Variants in SAV1 observed in about 807,000 individuals in gnomAD.
SAV1 encodes the protein protein salvador homolog 1.
A neutral mutation model predicts 47.3 loss-of-function variants in SAV1; 23 were observed. The ratio of observed to expected loss-of-function variants is 0.49; its 90% CI spans 0.35 to 0.69. The LOEUF (loss-of-function observed/expected upper bound fraction) is 0.69. Ranked by LOEUF, SAV1 falls within the 30% of genes least tolerant of loss-of-function variation. The pLI, the probability that SAV1 is intolerant of heterozygous loss-of-function variation, is 0.01. For missense variants in SAV1, 448 were observed against 457.4 expected, an observed-to-expected ratio of 0.98 and a Z score of 0.19; for synonymous variants, 155 against 159.2, an observed-to-expected ratio of 0.97 and a Z score of 0.20.
chr14:50,645,864 T>TACATTGTTA (rs2039717350), intron 2 of SAV1, among the ~76,000 whole-genome samples: 1 of 152,168 alleles, frequency 6.6e-6, no homozygotes, highest in Non-Finnish European at 1.5e-5. Context: ...AATTAATATT[T>TACATTGTTA]ATATATTAAC....
At chr14:50,656,089 G>C (rs2039810210) in intron 2 of SAV1, among the ~76,000 whole-genome samples, 1 of 152,154 alleles carries the variant, frequency 6.6e-6, no homozygotes, top group Non-Finnish European at 1.5e-5. Context: ...CGTATTAAAA[G>C]TTTGTGGCAA....
chr14:50,667,140 T>C (rs1595656283), intron 1 of SAV1, among the ~76,000 whole-genome samples: 1 of 151,076 alleles, frequency 6.6e-6, no homozygotes, highest in East Asian at 2.0e-4. Context: ...AAAAATCAAA[T>C]ACTTACATTA....
chr14:50,661,226 T>C (rs1050228622), intron 2 of SAV1, among the ~76,000 whole-genome samples: 1 of 152,254 alleles, frequency 6.6e-6, no homozygotes, highest in Admixed American at 6.5e-5. Context: ...TTGCACATTT[T>C]TTCACATACC....
chr14:50,644,642 C>T, intron 3 of SAV1, 102 bp downstream of exon 3: 4 of 1,134,878 alleles, frequency 3.5e-6, no homozygotes, highest in Non-Finnish European at 4.9e-6. Flanking sequence ...GCTTTCAAAT[C>T]TCAAGCTTTA....
intron 2 of SAV1, among the ~76,000 whole-genome samples, chr14:50,645,419 CTTTGT>C (rs1316064568): frequency 6.6e-6 from 1 of 152,116 alleles, no homozygotes; most frequent in Non-Finnish European, 1.5e-5. Flanking sequence ...TCAGTCAAAA[CTTTGT>C]TTTATGCACA....
intron 1 of SAV1, among the ~76,000 whole-genome samples, chr14:50,666,143 C>A (rs2039899940): frequency 6.6e-6 from 1 of 152,114 alleles, no homozygotes; most frequent in Admixed American, 6.5e-5. Flanking sequence ...ATTAGTAGCT[C>A]TTTCTTCTCT....
chr14:50,661,205 G>C (rs1017385168), intron 2 of SAV1, among the ~76,000 whole-genome samples: 4 of 152,154 alleles, frequency 2.6e-5, no homozygotes, highest in African/African-American at 9.7e-5. Context: ...TTTCCTTGAC[G>C]ATTAGTGATG....
At chr14:50,666,817 G>A (rs761188941) in intron 1 of SAV1, among the ~76,000 whole-genome samples, 1 of 150,718 alleles carries the variant, frequency 6.6e-6, no homozygotes, top group African/African-American at 2.4e-5. Context: ...ATCAAGTTTC[G>A]AGTTACTGAT....
chr14:50,656,084 T>C (rs1301974131), intron 2 of SAV1, among the ~76,000 whole-genome samples: 1 of 152,180 alleles, frequency 6.6e-6, no homozygotes, highest in Admixed American at 6.5e-5. Flanking sequence ...TAGAGCGTAT[T>C]AAAAGTTTGT....
chr14:50,658,614 G>A (rs2039832493), intron 2 of SAV1, among the ~76,000 whole-genome samples: 1 of 152,086 alleles, frequency 6.6e-6, no homozygotes, highest in African/African-American at 2.4e-5. Flanking sequence ...CTAATTGACA[G>A]GAATTACTAT....
chr14:50,666,077 T>C lies in SAV1; in HGVS notation c.95-458A>G, dbSNP rs1494183. 9.1e-3 allele frequency among the ~76,000 whole-genome samples: 1,387 copies of C among 152,286 alleles called. 29 individuals are homozygous for C. Among genetic ancestry groups the C allele is most frequent in the African/African-American group, 0.031 (1,297 of 41,556 alleles). On this transcript the variant is annotated intron_variant, in intron 1 of 4. Transcript: ENST00000324679. ...CTTGAAGCAAACACAATTTCAAAAA[T>C]AGAACTTAATGCTACTCCCAAATAT...
chr14:50,641,815 G>A (rs1334009818), intron 3 of SAV1, among the ~76,000 whole-genome samples: 1 of 152,202 alleles, frequency 6.6e-6, no homozygotes, highest in Non-Finnish European at 1.5e-5. Context: ...ACTTCTCAAA[G>A]AACTTAGAAC....
chr14:50,648,756 C>A (rs944671565), intron 2 of SAV1, among the ~76,000 whole-genome samples: 1 of 151,086 alleles, frequency 6.6e-6, no homozygotes, highest in African/African-American at 2.4e-5. Flanking sequence ...CCAGCCTGGG[C>A]GACGGAGCAA....
At chr14:50,638,341 C>T (rs1469488784) in intron 4 of SAV1, among the ~76,000 whole-genome samples, 1 of 152,174 alleles carries the variant, frequency 6.6e-6, no homozygotes, top group East Asian at 1.9e-4. Flanking sequence ...GGGTGTAAAA[C>T]ACTCCAGTAG....
chr14:50,667,953 C>T lies in SAV1; in HGVS notation c.15G>A (p.Lys5=). Residue 5 remains lysine, a synonymous_variant, in exon 1 of 5, where the codon AAG becomes AAA. Coordinates refer to ENST00000324679, the MANE Select transcript of SAV1 (RefSeq NM_021818.4). MLSR[K]KTKNEVSKPA... ...GCTTGGACACTTCGTTTTTGGTTTTCTTTCGGGACAGCATCCTTCTCGACG... is the reference window on the plus strand; with the variant it reads ...GCTTGGACACTTCGTTTTTGGTTTTTTTTCGGGACAGCATCCTTCTCGACG... 1 of 1,611,556 alleles carries T rather than the reference C, an allele frequency of 6.2e-7. No homozygotes were observed. Among genetic ancestry groups the T allele is most frequent in the Non-Finnish European group, 8.5e-7 (1 of 1,179,252 alleles).
At chr14:50,659,372 C>T (rs1350589677) in intron 2 of SAV1, among the ~76,000 whole-genome samples, 1 of 152,074 alleles carries the variant, frequency 6.6e-6, no homozygotes, top group Non-Finnish European at 1.5e-5. Flanking sequence ...TTAAAAACAC[C>T]CTCAAGATTA....
chr14:50,665,297 A>G lies in SAV1; in HGVS notation c.417T>C (p.Phe139=). 1.2e-6 allele frequency: 2 copies of G among 1,613,858 alleles called. No individual in the cohort carries two copies. The highest frequency in any genetic ancestry group is 2.7e-5 in the African/African-American group (2 of 75,016). ...SGSRYYYSDN[F]FDGQRKRPLG... ...GTGGCCGCTTTCTCTGACCATCAAAAAAATTGTCTGAATAATAATATCGGG... is the reference window on the plus strand; with the variant it reads ...GTGGCCGCTTTCTCTGACCATCAAAGAAATTGTCTGAATAATAATATCGGG... Residue 139 remains phenylalanine, a synonymous_variant, in exon 2 of 5, where the codon TTT becomes TTC. Transcript: ENST00000324679.
chr14:50,656,440 ATTTTTT>A (rs11288683), intron 2 of SAV1, among the ~76,000 whole-genome samples: 2 of 120,590 alleles, frequency 1.7e-5, no homozygotes, highest in African/African-American at 3.0e-5. Context: ...CCCCAACTGT[ATTTTTT>A]TTTTTTTTTT....
At chr14:50,636,997 A>G (rs2039640376) in intron 4 of SAV1, among the ~76,000 whole-genome samples, 1 of 152,186 alleles carries the variant, frequency 6.6e-6, no homozygotes, top group African/African-American at 2.4e-5. Flanking sequence ...ACTGTCTAAT[A>G]TTTTAAAATG....
Sources: allele counts gnomAD v4.1 joint callset (sites outside exome capture counted in the v4.1 genomes callset), GRCh38; gene constraint gnomAD v4.1.1; transcripts MANE v1.5; gene names NCBI Gene and HGNC (gene_info 2026-07-23, HGNC 2026-07-21).